The following CCSER1 variants were observed in gnomAD, a reference collection of about 807,000 sequenced individuals.
The protein encoded by CCSER1 is coiled-coil serine rich protein 1, also known as serine-rich coiled-coil domain-containing protein 1.
CCSER1 carries 41 observed loss-of-function variants against 82.0 expected under a neutral mutation model. The ratio of observed to expected loss-of-function variants is 0.50; its 90% CI spans 0.39 to 0.65. CCSER1 has a LOEUF of 0.65. Ranked by LOEUF, CCSER1 falls within the 30% of genes least tolerant of loss-of-function variation. The probability of loss-of-function intolerance (pLI) is 0.00; values close to 1 mark genes in which losing one functional copy is unlikely to be tolerated. For missense variants in CCSER1, 1,119 were observed against 1,064.2 expected, an observed-to-expected ratio of 1.05 and a Z score of -0.72; for synonymous variants, 414 against 383.9, an observed-to-expected ratio of 1.08 and a Z score of -0.92.
intron 8 of CCSER1, among the ~76,000 whole-genome samples, chr4:90,915,517 A>G (rs1727219169): frequency 6.6e-6 from 1 of 152,182 alleles, no homozygotes; most frequent in Non-Finnish European, 1.5e-5. Context: ...ATGTATCTCA[A>G]AATAATAAGA....
chr4:91,215,356 G>A (rs960996271), intron 10 of CCSER1, among the ~76,000 whole-genome samples: 3 of 152,098 alleles, frequency 2.0e-5, no homozygotes, highest in Non-Finnish European at 2.9e-5. Flanking sequence ...ATGTATTAGG[G>A]TTCTCTAGAG....
chr4:91,185,423 C>A (rs529822467), intron 10 of CCSER1, among the ~76,000 whole-genome samples: 1 of 152,174 alleles, frequency 6.6e-6, no homozygotes, highest in African/African-American at 2.4e-5. Context: ...ATCCTATTGT[C>A]CCTGCTGGCA....
chr4:91,083,211 C>A (rs1722983464), intron 9 of CCSER1, among the ~76,000 whole-genome samples: 1 of 152,120 alleles, frequency 6.6e-6, no homozygotes, highest in Non-Finnish European at 1.5e-5. Flanking sequence ...CACATATATA[C>A]CATGGAATAC....
intron 10 of CCSER1, among the ~76,000 whole-genome samples, chr4:91,412,931 T>A (rs1753144458): frequency 2.3e-5 from 3 of 132,660 alleles, no homozygotes; most frequent in African/African-American, 9.0e-5. Flanking sequence ...GTAAAGAAGG[T>A]CAATGAGATG....
At chr4:91,201,175 C>T (rs1316544381) in intron 10 of CCSER1, among the ~76,000 whole-genome samples, 1 of 151,998 alleles carries the variant, frequency 6.6e-6, no homozygotes, top group African/African-American at 2.4e-5. Context: ...GGACATGACA[C>T]ACATTGCAAG....
intron 1 of CCSER1, among the ~76,000 whole-genome samples, chr4:90,213,347 C>T (rs1740389476): frequency 6.6e-6 from 1 of 152,082 alleles, no homozygotes; most frequent in African/African-American, 2.4e-5. Flanking sequence ...TGGAGGAAAA[C>T]CAGGTATTTC....
chr4:91,575,495 T>C (rs759434191), intron 10 of CCSER1, among the ~76,000 whole-genome samples: 1 of 152,020 alleles, frequency 6.6e-6, no homozygotes, highest in Non-Finnish European at 1.5e-5. Flanking sequence ...CCAAAATGCA[T>C]ATAGAACTCA....
chr4:91,326,542 CAG>C (rs1455075141), intron 10 of CCSER1, among the ~76,000 whole-genome samples: 10 of 152,194 alleles, frequency 6.6e-5, no homozygotes, highest in Admixed American at 6.5e-4. Context: ...CGTGGGAACA[CAG>C]AACCAAATCA....
chr4:90,776,622 G>A (rs758804787), intron 7 of CCSER1, among the ~76,000 whole-genome samples: 1 of 152,130 alleles, frequency 6.6e-6, no homozygotes, highest in Admixed American at 6.5e-5. Flanking sequence ...AACAACTAAT[G>A]TTTGTTAAAT....
At chr4:90,618,631 G>A (rs1339316234) in intron 5 of CCSER1, among the ~76,000 whole-genome samples, 7 of 151,896 alleles carry the variant, frequency 4.6e-5, no homozygotes, top group South Asian at 2.1e-4. Flanking sequence ...TGGATGTGAA[G>A]TAAGCAAGGC....
Position 90,765,375 on chromosome 4 carries a change from C to T in CCSER1, c.2010+41384C>T, listed in dbSNP as rs145408723. On this transcript the variant is annotated intron_variant, in intron 7 of 10. Transcript: ENST00000509176. ...ACAGAGTGAAAGATAAATTTCTTTT[C>T]TGCCTCCTTGGGGAGCATCCTAATA... 4.7e-4 allele frequency among the ~76,000 whole-genome samples: 72 copies of T among 152,230 alleles called. 1 individual carries two copies. The East Asian group carries it at 0.011, about 24-fold the overall frequency.
chr4:90,780,754 T>C lies in CCSER1; in HGVS notation c.2011-35008T>C, dbSNP rs139077488. On this transcript the variant is annotated intron_variant, in intron 7 of 10. Transcript: ENST00000509176. ...CTCCCTTTTTACTTTATTAAAATGGTTTGTAAAGGTAAACTAAATTGACTA... is the reference window on the plus strand; with the variant it reads ...CTCCCTTTTTACTTTATTAAAATGGCTTGTAAAGGTAAACTAAATTGACTA... 3.9e-4 allele frequency: 477 copies of C among 1,218,348 alleles called. 2 individuals carry two copies. In the African/African-American group the frequency reaches 6.8e-3, roughly 17 times the overall value. The allele number at this position is 1,218,348 out of a possible 1,614,324, so 75.5% of individuals were successfully genotyped here.
intron 8 of CCSER1, chr4:90,911,438 C>A: frequency 2.5e-6 from 1 of 407,114 alleles, no homozygotes; most frequent in South Asian, 1.8e-5. Context: ...CATCATTAAG[C>A]AATCCCTATG....
intron 10 of CCSER1, among the ~76,000 whole-genome samples, chr4:91,346,625 T>C (rs1463228908): frequency 6.6e-6 from 1 of 152,216 alleles, no homozygotes; most frequent in Non-Finnish European, 1.5e-5. Flanking sequence ...AGATCTCCTT[T>C]TGTTTCACAT....
chr4:90,279,067 C>G (rs1728435620), intron 1 of CCSER1, among the ~76,000 whole-genome samples: 1 of 151,956 alleles, frequency 6.6e-6, no homozygotes, highest in Non-Finnish European at 1.5e-5. Context: ...TATAATGGCA[C>G]TTTTTTCCTG....
chr4:91,062,281 AC>A (rs995529397), intron 9 of CCSER1, among the ~76,000 whole-genome samples: 1 of 151,858 alleles, frequency 6.6e-6, no homozygotes, highest in Non-Finnish European at 1.5e-5. Context: ...GAACACTCAA[AC>A]TCCCCCTTGC....
At chr4:90,934,288 C>G (rs1730651332) in intron 9 of CCSER1, among the ~76,000 whole-genome samples, 1 of 152,030 alleles carries the variant, frequency 6.6e-6, no homozygotes, top group African/African-American at 2.4e-5. Flanking sequence ...TGTGTTATAA[C>G]ATTTAACAAC....
At chr4:90,898,548 A>G (rs1724112432) in intron 8 of CCSER1, among the ~76,000 whole-genome samples, 1 of 151,268 alleles carries the variant, frequency 6.6e-6, no homozygotes, top group African/African-American at 2.4e-5. Flanking sequence ...TTGGCCTCCC[A>G]AAGTGGTGGA....
At chr4:90,882,006 A>G (rs1037289329) in intron 8 of CCSER1, among the ~76,000 whole-genome samples, 2 of 151,828 alleles carry the variant, frequency 1.3e-5, no homozygotes, top group African/African-American at 4.8e-5. Context: ...ACTACATTAA[A>G]CCCTTGGAAT....
Sources: allele counts gnomAD v4.1 joint callset (sites outside exome capture counted in the v4.1 genomes callset), GRCh38; gene constraint gnomAD v4.1.1; transcripts MANE v1.5; gene names NCBI Gene and HGNC (gene_info 2026-07-23, HGNC 2026-07-21).